The following PITPNC1 variants were observed in gnomAD, a reference collection of about 807,000 sequenced individuals.
PITPNC1 encodes the protein cytoplasmic phosphatidylinositol transfer protein 1.
Under a neutral mutation model 44.7 loss-of-function variants are expected in PITPNC1, and 18 were observed. That is an observed-to-expected ratio of 0.40 (90% CI 0.28 to 0.60). The LOEUF (loss-of-function observed/expected upper bound fraction) is 0.60, where lower values mean the gene tolerates loss of function less well. Ranked by LOEUF, PITPNC1 falls within the 20% of genes least tolerant of loss-of-function variation. PITPNC1 has a pLI of 0.39. For synonymous variants in PITPNC1, 141 were observed against 149.6 expected (o/e 0.94, Z 0.42); for missense variants, 290 against 418.4 (o/e 0.69, Z 2.68).
At chr17:67,481,153 G>A (rs575615198) in intron 1 of PITPNC1, among the ~76,000 whole-genome samples, 15 of 152,254 alleles carry the variant, frequency 9.9e-5, no homozygotes, top group Non-Finnish European at 1.8e-4. Flanking sequence ...GTTGCAGTGC[G>A]CTGAGATCGT....
chr17:67,680,699 A>G (rs2042687521), intron 8 of PITPNC1, among the ~76,000 whole-genome samples: 1 of 152,160 alleles, frequency 6.6e-6, no homozygotes. Context: ...AGGACTGGCT[A>G]CTTTCACTAC....
intron 2 of PITPNC1, among the ~76,000 whole-genome samples, chr17:67,535,636 T>A (rs568152300): frequency 3.3e-5 from 5 of 152,350 alleles, no homozygotes; most frequent in South Asian, 2.1e-4. Context: ...GATGTGGACT[T>A]CCAGTAATAG....
intron 1 of PITPNC1, among the ~76,000 whole-genome samples, chr17:67,415,828 A>G (rs2038578746): frequency 6.6e-6 from 1 of 152,208 alleles, no homozygotes; most frequent in Non-Finnish European, 1.5e-5. Flanking sequence ...CAACAGTGAT[A>G]AAGTTCCAAC....
At chr17:67,631,658 AT>A (rs2041972582) in intron 5 of PITPNC1, among the ~76,000 whole-genome samples, 5 of 21,518 alleles carry the variant, frequency 2.3e-4, no homozygotes, top group African/African-American at 7.6e-4. Flanking sequence ...AAAAAAAAAA[AT>A]ATATATATAT....
At chr17:67,453,578 G>A (rs980576883) in intron 1 of PITPNC1, among the ~76,000 whole-genome samples, 2 of 152,184 alleles carry the variant, frequency 1.3e-5, no homozygotes. Flanking sequence ...TCTGTAAAGA[G>A]AGTAAACAAA....
At chr17:67,647,529 G>A (rs1282992423) in intron 6 of PITPNC1, among the ~76,000 whole-genome samples, 5 of 129,202 alleles carry the variant, frequency 3.9e-5, no homozygotes, top group African/African-American at 1.5e-4. Flanking sequence ...GGTTTCCCAG[G>A]CTGGTCTCGA....
intron 1 of PITPNC1, among the ~76,000 whole-genome samples, chr17:67,516,514 G>A (rs1043234065): frequency 6.6e-6 from 1 of 152,218 alleles, no homozygotes; most frequent in Non-Finnish European, 1.5e-5. Flanking sequence ...CAGCTTTTAA[G>A]ATGACTCTGT....
At chr17:67,480,203 A>G (rs1329978964) in intron 1 of PITPNC1, among the ~76,000 whole-genome samples, 7 of 152,190 alleles carry the variant, frequency 4.6e-5, no homozygotes, top group Admixed American at 3.9e-4. Flanking sequence ...GTTGGTTTCC[A>G]GGTTGTCTAA....
intron 4 of PITPNC1, among the ~76,000 whole-genome samples, chr17:67,567,722 C>T (rs1383040558): frequency 1.3e-5 from 2 of 152,110 alleles, no homozygotes; most frequent in Non-Finnish European, 1.5e-5. Context: ...CACCTGTAAT[C>T]CCAGCACTTT....
chr17:67,570,666 A>T (rs915158833), intron 4 of PITPNC1, among the ~76,000 whole-genome samples: 2 of 152,184 alleles, frequency 1.3e-5, no homozygotes, highest in Non-Finnish European at 2.9e-5. Context: ...TCTCCATTTG[A>T]TAGATGAGGA....
At chr17:67,453,357 G>T (rs1598683829) in intron 1 of PITPNC1, among the ~76,000 whole-genome samples, 1 of 152,228 alleles carries the variant, frequency 6.6e-6, no homozygotes, top group Admixed American at 6.5e-5. Flanking sequence ...GAGAGGTAAT[G>T]GAGAAAATAT....
chr17:67,473,300 C>T (rs1427715327), intron 1 of PITPNC1, among the ~76,000 whole-genome samples: 1 of 151,918 alleles, frequency 6.6e-6, no homozygotes, highest in South Asian at 2.1e-4. Flanking sequence ...CTCCTAAGTG[C>T]TGGGATTATA....
chr17:67,382,770 G>C (rs1442243770), intron 1 of PITPNC1, among the ~76,000 whole-genome samples: 1 of 149,602 alleles, frequency 6.7e-6, no homozygotes, highest in African/African-American at 2.5e-5. Flanking sequence ...GATTACAGGC[G>C]CCCACCATCA....
At chr17:67,446,192 G>T (rs536908676) in intron 1 of PITPNC1, among the ~76,000 whole-genome samples, 1 of 151,678 alleles carries the variant, frequency 6.6e-6, no homozygotes, top group Non-Finnish European at 1.5e-5. Flanking sequence ...TGATCCACCC[G>T]CCTCGGCCTC....
chr17:67,561,807 G>A (rs1260263103), intron 4 of PITPNC1, among the ~76,000 whole-genome samples: 1 of 152,110 alleles, frequency 6.6e-6, no homozygotes, highest in Non-Finnish European at 1.5e-5. Flanking sequence ...TGTTGCCCAG[G>A]CTAATTTTGA....
intron 1 of PITPNC1, among the ~76,000 whole-genome samples, chr17:67,407,781 C>T (rs945375353): frequency 6.7e-6 from 1 of 149,900 alleles, no homozygotes; most frequent in African/African-American, 2.5e-5. Flanking sequence ...GCAACAAGAG[C>T]GAAACTCTGT....
intron 1 of PITPNC1, among the ~76,000 whole-genome samples, chr17:67,490,112 CTGTGTGTGTGTGTGTGTGTGTGTGTGTG>C (rs71354073): frequency 1.4e-5 from 2 of 144,876 alleles, no homozygotes; most frequent in East Asian, 2.0e-4. Context: ...ACAGGCTTTT[CTGTGTGTGTGTGTGTGTGTGTGTGTGTG>C]TGTGTGTGTG....
chr17:67,655,738 A>T (rs1316886203), intron 6 of PITPNC1, among the ~76,000 whole-genome samples: 1 of 152,122 alleles, frequency 6.6e-6, no homozygotes, highest in Admixed American at 6.6e-5. Context: ...ATTTGTGACC[A>T]ACATGGGCAA....
intron 1 of PITPNC1, among the ~76,000 whole-genome samples, chr17:67,380,412 C>G (rs1402739673): frequency 6.6e-6 from 1 of 152,164 alleles, no homozygotes; most frequent in South Asian, 2.1e-4. Flanking sequence ...AAATCAGACT[C>G]ATCAGACTCC....
Sources: gnomAD v4.1 joint callset for allele counts (sites outside exome capture counted in the v4.1 genomes callset) on GRCh38, gnomAD v4.1.1 for gene constraint, MANE v1.5 for transcripts, NCBI Gene and HGNC (gene_info 2026-07-23, HGNC 2026-07-21) for gene names.